The following GRIN2A variants were observed in gnomAD, a reference collection of about 807,000 sequenced individuals.
GRIN2A encodes the protein glutamate ionotropic receptor NMDA type subunit 2A, also known as glutamate receptor ionotropic, NMDA 2A.
GRIN2A carries 22 observed loss-of-function variants against 113.4 expected under a neutral mutation model. That is an observed-to-expected ratio of 0.19 (90% CI 0.14 to 0.28). The LOEUF is 0.28. Among genes scored for constraint, GRIN2A ranks in the 10% least tolerant of loss-of-function variants. The probability of loss-of-function intolerance (pLI) is 1.00; values close to 1 mark genes in which losing one functional copy is unlikely to be tolerated. For missense variants in GRIN2A, 1,502 were observed against 1,887.0 expected, an observed-to-expected ratio of 0.80 and a Z score of 3.78; for synonymous variants, 827 against 738.4, an observed-to-expected ratio of 1.12 and a Z score of -1.94.
At chr16:9,907,745 G>C (rs1211605398) in intron 3 of GRIN2A, among the ~76,000 whole-genome samples, 1 of 152,158 alleles carries the variant, frequency 6.6e-6, no homozygotes, top group Admixed American at 6.5e-5. Flanking sequence ...ACTGAGCAGA[G>C]AGTCCACCTT....
At chr16:9,828,782 C>G (rs185432355) in intron 9 of GRIN2A, among the ~76,000 whole-genome samples, 2 of 151,834 alleles carry the variant, frequency 1.3e-5, no homozygotes, top group Non-Finnish European at 2.9e-5. Flanking sequence ...GAAGTACAGC[C>G]CTATAAGGGA....
chr16:9,914,689 G>C (rs960618780), intron 3 of GRIN2A, among the ~76,000 whole-genome samples: 1 of 152,098 alleles, frequency 6.6e-6, no homozygotes, highest in Non-Finnish European at 1.5e-5. Context: ...CCAAAGCTGA[G>C]GAAGACGACA....
At chr16:10,035,657 C>A (rs2047011475) in intron 2 of GRIN2A, among the ~76,000 whole-genome samples, 1 of 152,172 alleles carries the variant, frequency 6.6e-6, no homozygotes, top group African/African-American at 2.4e-5. Flanking sequence ...AATCTGCATT[C>A]CCAAGTGATG....
At chr16:9,942,972 T>C (rs1250203521) in intron 2 of GRIN2A, among the ~76,000 whole-genome samples, 3 of 152,096 alleles carry the variant, frequency 2.0e-5, no homozygotes, top group East Asian at 1.9e-4. Flanking sequence ...ACATTTAACT[T>C]TGGGATTTCC....
intron 2 of GRIN2A, among the ~76,000 whole-genome samples, chr16:10,036,659 G>A (rs1167198405): frequency 6.6e-6 from 1 of 151,382 alleles, no homozygotes; most frequent in Admixed American, 6.6e-5. Context: ...TGTTAGCCAG[G>A]ATGGTCTCCA....
intron 2 of GRIN2A, among the ~76,000 whole-genome samples, chr16:10,001,271 C>A (rs2046315156): frequency 6.6e-6 from 1 of 152,128 alleles, no homozygotes; most frequent in Non-Finnish European, 1.5e-5. Context: ...ATATTGGAAC[C>A]ATGAAGTCCT....
intron 2 of GRIN2A, among the ~76,000 whole-genome samples, chr16:10,140,929 C>T (rs1290376627): frequency 6.6e-6 from 1 of 152,146 alleles, no homozygotes; most frequent in Non-Finnish European, 1.5e-5. Context: ...TGTGGTGGCT[C>T]CTGCCTGTAA....
At chr16:10,072,235 G>T (rs2047767328) in intron 2 of GRIN2A, among the ~76,000 whole-genome samples, 1 of 152,144 alleles carries the variant, frequency 6.6e-6, no homozygotes, top group African/African-American at 2.4e-5. Flanking sequence ...GGAAATTGGA[G>T]GTACGTGCAC....
chr16:10,178,796 T>G (rs1411413478), intron 2 of GRIN2A, among the ~76,000 whole-genome samples: 1 of 152,198 alleles, frequency 6.6e-6, no homozygotes, highest in Non-Finnish European at 1.5e-5. Context: ...AAAAGTGCTT[T>G]GAGAGCATCA....
At chr16:10,036,132 C>A (rs1758525194) in intron 2 of GRIN2A, among the ~76,000 whole-genome samples, 1 of 152,148 alleles carries the variant, frequency 6.6e-6, no homozygotes, top group Admixed American at 6.5e-5. Context: ...TAACTGAGAT[C>A]AGGGGTTTTT....
rs2142042257 is a variant in GRIN2A, at chr16:10,075,735, G to C, written c.414+104263C>G. 1.3e-5 allele frequency among the ~76,000 whole-genome samples: 2 copies of C among 152,070 alleles called. 1 individual carries two copies. The highest frequency in any genetic ancestry group is 6.8e-3 in the Middle Eastern group (2 of 294). ...CTTTGACTAACACATTCTGTACTAGGAATTTCTCATAAGAAAATAATCAGA... is the reference window on the plus strand; with the variant it reads ...CTTTGACTAACACATTCTGTACTAGCAATTTCTCATAAGAAAATAATCAGA... On this transcript the variant is annotated intron_variant, in intron 2 of 12. Coordinates refer to ENST00000330684, the MANE Select transcript of GRIN2A (RefSeq NM_001134407.3).
chr16:9,824,507 A>T (rs919812899), intron 9 of GRIN2A, among the ~76,000 whole-genome samples: 3 of 152,166 alleles, frequency 2.0e-5, no homozygotes, highest in Non-Finnish European at 2.9e-5. Context: ...GGTCTTTAAA[A>T]ATTCACTTTC....
intron 3 of GRIN2A, among the ~76,000 whole-genome samples, chr16:9,897,516 G>A (rs538899753): frequency 1.3e-5 from 2 of 152,308 alleles, no homozygotes; most frequent in South Asian, 4.1e-4. Flanking sequence ...TTGAGCATTT[G>A]AAATGTGGTT....
In GRIN2A at chr16:9,755,672, A is replaced by G; in HGVS notation, c.*7477T>C. 5.0e-6 allele frequency: 1 copy of G among 200,586 alleles called. No homozygotes were observed. The highest frequency in any genetic ancestry group is 1.0e-5 in the Non-Finnish European group (1 of 96,998). 12.4% of individuals were successfully genotyped at this position (200,586 alleles called of 1,614,324 possible). A position where few individuals can be genotyped will look rare whatever the true frequency, so the allele number is the denominator to read the frequency against. Reference sequence around the variant, plus strand: ...TGGCTTAGACCATGGAGAGGGGGGAATGCAGGAAAGGCAGTGTGTGCTCAG... The same window carrying G: ...TGGCTTAGACCATGGAGAGGGGGGAGTGCAGGAAAGGCAGTGTGTGCTCAG... On this transcript the variant is annotated 3_prime_UTR_variant, in exon 13 of 13. Transcript: ENST00000330684.
intron 2 of GRIN2A, among the ~76,000 whole-genome samples, chr16:10,055,190 G>C (rs955064873): frequency 1.3e-5 from 2 of 150,280 alleles, no homozygotes; most frequent in African/African-American, 4.9e-5. Context: ...TATACCCTAG[G>C]TTTGCATGTA....
chr16:10,009,097 C>T (rs982313357), intron 2 of GRIN2A, among the ~76,000 whole-genome samples: 10 of 152,246 alleles, frequency 6.6e-5, no homozygotes, highest in African/African-American at 2.4e-4. Flanking sequence ...TTGGGTGAAT[C>T]ATGTCAATTT....
intron 2 of GRIN2A, among the ~76,000 whole-genome samples, chr16:10,012,829 A>G (rs2046533376): frequency 6.6e-6 from 1 of 152,238 alleles, no homozygotes; most frequent in African/African-American, 2.4e-5. Flanking sequence ...CCTTGATTTT[A>G]GCTCCATGAG....
intron 3 of GRIN2A, among the ~76,000 whole-genome samples, chr16:9,900,772 G>A (rs187646024): frequency 6.6e-6 from 1 of 152,272 alleles, no homozygotes; most frequent in Non-Finnish European, 1.5e-5. Context: ...CACCAAATGC[G>A]TCACCATTAA....
chr16:9,831,377 C>T (rs544268856), intron 8 of GRIN2A, among the ~76,000 whole-genome samples: 2 of 152,132 alleles, frequency 1.3e-5, no homozygotes, highest in African/African-American at 4.8e-5. Context: ...AAAAGTGACA[C>T]CTTCTTAACT....
Sources: allele counts gnomAD v4.1 joint callset (sites outside exome capture counted in the v4.1 genomes callset), GRCh38; gene constraint gnomAD v4.1.1; transcripts MANE v1.5; gene names NCBI Gene and HGNC (gene_info 2026-07-23, HGNC 2026-07-21).